Variants in BCL6 observed in about 807,000 individuals in gnomAD.
BCL6 encodes the protein B-cell lymphoma 6 protein.
A neutral mutation model predicts 59.5 loss-of-function variants in BCL6; 7 were observed. The observed-to-expected ratio is 0.12, with a 90% CI of 0.07 to 0.22. The LOEUF is 0.22. Ranked by LOEUF, BCL6 falls within the 10% of genes least tolerant of loss-of-function variation. The probability of loss-of-function intolerance (pLI) is 1.00; values close to 1 mark genes in which losing one functional copy is unlikely to be tolerated. For synonymous variants in BCL6, 339 were observed against 349.7 expected (o/e 0.97, Z 0.34); for missense variants, 685 against 939.4 (o/e 0.73, Z 3.54).
At chr3:187,745,283 G>A (rs1576886750) in intron 1 of BCL6, 127 bp downstream of exon 1, 1 of 398,456 alleles carries the variant, frequency 2.5e-6, no homozygotes, top group East Asian at 3.6e-5. Context: ...TTTGGCAAGA[G>A]CGGAAAAAAA....
At chr3:187,724,884 C>T (rs1718596132) in intron 9 of BCL6, 57 bp downstream of exon 9, 2 of 1,608,564 alleles carry the variant, frequency 1.2e-6, no homozygotes, top group Non-Finnish European at 8.5e-7. Flanking sequence ...GCTCCACCTC[C>T]TTCCCTGCCC....
intron 3 of BCL6, 76 bp from the exon 4 acceptor site, chr3:187,732,006 G>T: frequency 1.6e-6 from 2 of 1,286,278 alleles, no homozygotes; most frequent in Non-Finnish European, 2.2e-6. Flanking sequence ...CTGATACTCA[G>T]CCCCTTTCCC....
In BCL6 at chr3:187,729,568, C is replaced by T; in HGVS notation, c.837G>A (p.Glu279=). ...CTGAGGGGGCAGCAGGTTTGAGGCC[C>T]TCAGCCACACTGTAGTGCATATCAC... ...ARSDMHYSVA[E]GLKPAAPSAR... is the part of the protein sequence containing the mutation. Residue 279 remains glutamate, a synonymous_variant, in exon 5 of 10, where the codon GAG becomes GAA. Transcript: ENST00000406870. The surrounding 1 kb of genome is among the most constrained non-coding windows in gnomAD (Gnocchi z 5.6). 6.2e-7 allele frequency: 1 copy of T among 1,614,032 alleles called. No individual in the cohort carries two copies. The highest frequency in any genetic ancestry group is 8.5e-7 in the Non-Finnish European group (1 of 1,180,034).
At chr3:187,742,990 T>C (rs1231713782) in intron 1 of BCL6, among the ~76,000 whole-genome samples, 1 of 151,548 alleles carries the variant, frequency 6.6e-6, no homozygotes, top group African/African-American at 2.4e-5. Flanking sequence ...GCAAAATAGA[T>C]ACCTGTCTCC....
chr3:187,745,164 A>G (rs527547202), intron 1 of BCL6, among the ~76,000 whole-genome samples: 5 of 152,314 alleles, frequency 3.3e-5, no homozygotes, highest in Middle Eastern at 3.4e-3. Context: ...CTATGGTGGG[A>G]GAGACGTGGG....
At chr3:187,732,200 T>C (rs1325843948) in intron 3 of BCL6, among the ~76,000 whole-genome samples, 1 of 152,200 alleles carries the variant, frequency 6.6e-6, no homozygotes, top group Non-Finnish European at 1.5e-5. Flanking sequence ...GGGGGTTAAG[T>C]GAATATTCTT....
At chr3:187,745,136 T>A (rs544841681) in intron 1 of BCL6, among the ~76,000 whole-genome samples, 12 of 151,870 alleles carry the variant, frequency 7.9e-5, no homozygotes, top group East Asian at 7.8e-4. Flanking sequence ...TAATAATAAA[T>A]ACATAACAAT....
Position 187,722,509 on chromosome 3 carries a change from T to C in BCL6, c.2070A>G (p.Gln690=). 6.2e-7 allele frequency: 1 copy of C among 1,614,012 alleles called. No individual in the cohort carries two copies. The highest frequency in any genetic ancestry group is 1.1e-5 in the South Asian group (1 of 91,068). Residue 690 remains glutamine, a synonymous_variant, in exon 10 of 10, where the codon CAA becomes CAG. Transcript: ENST00000406870. ...GCAGGTCAGTGGCTGACACGCGGTA[T>C]TGCACCTTGGTGTTGGTGATGGCGC... ...KHGAITNTKV[Q]YRVSATDLPP...
intron 4 of BCL6, 92 bp from the exon 5 acceptor site, chr3:187,730,113 G>A: frequency 6.8e-7 from 1 of 1,464,298 alleles, no homozygotes; most frequent in Non-Finnish European, 9.1e-7. Context: ...CCACATCTGT[G>A]TTTGAATTAG....
rs535221575 is a variant in BCL6, at chr3:187,740,929, G to T, written c.-50+4481C>A. Among the ~76,000 whole-genome samples the T allele has an allele frequency of 3.9e-5, 6 of 152,298 alleles. No homozygotes were observed. The South Asian group carries it at 6.2e-4, about 16-fold the overall frequency. On this transcript the variant is annotated intron_variant, in intron 1 of 9. Coordinates refer to ENST00000406870, the MANE Select transcript of BCL6 (RefSeq NM_001706.5). The stretch of plus-strand genomic sequence containing the variant: ...AGGTTGTATGCCATCCCCATTGGAG[G>T]GTGCCCTCCTTCTGTCAGTCCTAGC...
At chr3:187,726,592 C>G in intron 7 of BCL6, 139 bp downstream of exon 7, 1 of 1,225,566 alleles carries the variant, frequency 8.2e-7, no homozygotes, top group Non-Finnish European at 1.1e-6. Context: ...GGTTAGACCC[C>G]TCGTTCAGGC....
Position 187,725,643 on chromosome 3 carries a change from A to G in BCL6, c.1709-14T>C. ...AGGGTTTCTCACCTATTACCAAGAA[A>G]AAGGGAAAAAGAAAAGCCATATTCA... On this transcript the variant is annotated splice_polypyrimidine_tract_variant and intron_variant, in intron 7 of 9. Transcript: ENST00000406870. The surrounding 1 kb of genome is among the most constrained non-coding windows in gnomAD (Gnocchi z 4.7). The G allele has an allele frequency of 6.2e-7, 1 of 1,614,012 alleles. No individual in the cohort carries two copies. Among genetic ancestry groups the G allele is most frequent in the Non-Finnish European group, 8.5e-7 (1 of 1,179,956 alleles).
chr3:187,744,646 G>C (rs1403542212), intron 1 of BCL6, among the ~76,000 whole-genome samples: 1 of 152,056 alleles, frequency 6.6e-6, no homozygotes, highest in Admixed American at 6.5e-5. Flanking sequence ...TCGGCTCGAA[G>C]GCAGGGAATC....
chr3:187,745,227 T>A (rs557349083), intron 1 of BCL6, among the ~76,000 whole-genome samples, 183 bp downstream of exon 1: 7 of 152,124 alleles, frequency 4.6e-5, no homozygotes, highest in Admixed American at 1.3e-4. Flanking sequence ...AATAAATATA[T>A]ACATTTATAT....
chr3:187,744,414 C>A (rs1049425470), intron 1 of BCL6, among the ~76,000 whole-genome samples: 1 of 151,182 alleles, frequency 6.6e-6, no homozygotes, highest in South Asian at 2.1e-4. Flanking sequence ...CCCTCGACTA[C>A]AACCAAGAAA....
At chr3:187,741,427 C>T (rs762457987) in intron 1 of BCL6, among the ~76,000 whole-genome samples, 1 of 152,140 alleles carries the variant, frequency 6.6e-6, no homozygotes, top group Non-Finnish European at 1.5e-5. Flanking sequence ...TCCTGATCTT[C>T]TCGGAGGAAA....
chr3:187,724,646 A>C (rs1718582337), intron 9 of BCL6: 1 of 388,032 alleles, frequency 2.6e-6, no homozygotes, highest in African/African-American at 2.0e-5. Flanking sequence ...GAGTGAATCA[A>C]GTCTATGTAT....
chr3:187,738,194 T>C (rs1719380337), intron 1 of BCL6, among the ~76,000 whole-genome samples: 1 of 152,146 alleles, frequency 6.6e-6, no homozygotes, highest in African/African-American at 2.4e-5. Context: ...ATATCGAGAC[T>C]TTAAGTTGTC....
chr3:187,730,385 C>A (rs1197771093), intron 4 of BCL6, among the ~76,000 whole-genome samples: 4 of 152,154 alleles, frequency 2.6e-5, no homozygotes, highest in Non-Finnish European at 4.4e-5. Flanking sequence ...CTCACTTCAC[C>A]CATGCAAAAT....
Sources: gnomAD v4.1 joint callset for allele counts (sites outside exome capture counted in the v4.1 genomes callset) on GRCh38, gnomAD v4.1.1 for gene constraint, Gnocchi (gnomAD v3.1) non-coding constraint, MANE v1.5 for transcripts, NCBI Gene and HGNC (gene_info 2026-07-23, HGNC 2026-07-21) for gene names.